The following RNF149 variants were observed in gnomAD, a reference collection of about 807,000 sequenced individuals.
RNF149 encodes the protein E3 ubiquitin-protein ligase RNF149.
RNF149 carries 21 observed loss-of-function variants against 39.0 expected under a neutral mutation model. The ratio of observed to expected loss-of-function variants is 0.54; its 90% CI spans 0.38 to 0.77. The LOEUF (loss-of-function observed/expected upper bound fraction) is 0.77, where lower values mean the gene tolerates loss of function less well. Ranked by LOEUF, RNF149 falls within the 30% of genes least tolerant of loss-of-function variation. The pLI, the probability that RNF149 is intolerant of heterozygous loss-of-function variation, is 0.00. For synonymous variants in RNF149, 209 were observed against 213.6 expected, an observed-to-expected ratio of 0.98 and a Z score of 0.19; for missense variants, 493 against 534.9, an observed-to-expected ratio of 0.92 and a Z score of 0.77.
intron 1 of RNF149, among the ~76,000 whole-genome samples, chr2:101,303,380 G>A (rs931381552): frequency 6.6e-6 from 1 of 151,658 alleles, no homozygotes; most frequent in Admixed American, 6.6e-5. Context: ...ACCCGCCTCA[G>A]CCTACCAAAG....
At chr2:101,300,593 G>A (rs1232985320) in intron 1 of RNF149, among the ~76,000 whole-genome samples, 1 of 152,110 alleles carries the variant, frequency 6.6e-6, no homozygotes, top group Non-Finnish European at 1.5e-5. Flanking sequence ...CAGGTGGATC[G>A]CTTGACCCTA....
chr2:101,280,228 T>C (rs911772712), intron 6 of RNF149, among the ~76,000 whole-genome samples: 14 of 151,644 alleles, frequency 9.2e-5, no homozygotes, highest in Admixed American at 2.0e-4. Flanking sequence ...TAATGTAGAA[T>C]AGTCCAGAAA....
At position 101,304,653 on chromosome 2, in the gene RNF149, G is replaced by A. The variant is rs146276564; in HGVS notation, c.460+3476C>T. Among the ~76,000 whole-genome samples, 426 of 152,072 alleles carry A rather than the reference G, an allele frequency of 2.8e-3. 5 individuals carry two copies. Among genetic ancestry groups the A allele is most frequent in the African/African-American group, 8.7e-3 (362 of 41,468 alleles). On this transcript the variant is annotated intron_variant, in intron 1 of 6. Coordinates refer to ENST00000295317, the MANE Select transcript of RNF149 (RefSeq NM_173647.4). The stretch of plus-strand genomic sequence containing the variant: ...CTAAAGTAAACAGAATTGACTTTGG[G>A]CAACAGCAACAGTCCTTACAGTTGT...
At chr2:101,308,064 C>A in intron 1 of RNF149, 65 bp downstream of exon 1, 1 of 1,566,010 alleles carries the variant, frequency 6.4e-7, no homozygotes, top group East Asian at 2.4e-5. Flanking sequence ...CAGGGCCAAC[C>A]CTGAAGACCC....
At chr2:101,280,502 G>C (rs1350826056) in intron 6 of RNF149, among the ~76,000 whole-genome samples, 3 of 152,004 alleles carry the variant, frequency 2.0e-5, no homozygotes, top group Non-Finnish European at 4.4e-5. Flanking sequence ...GCAAAGTACA[G>C]GTCAATATCT....
intron 1 of RNF149, among the ~76,000 whole-genome samples, chr2:101,296,925 T>C (rs1192346863): frequency 6.6e-6 from 1 of 151,962 alleles, no homozygotes; most frequent in African/African-American, 2.4e-5. Flanking sequence ...GAGTAAATGG[T>C]TGGCCGGGCA....
At position 101,295,180 on chromosome 2, in the gene RNF149, T is replaced by G. The variant is rs1683174353; in HGVS notation, c.462A>C (p.Gly154=). ...TCATAATGACCACTATATTTCCTGT[T>G]CCTGTAGGAAAGAACAAAGAAATCA... The part of the protein sequence containing the change: ...GNITLPMSHA[G]TGNIVVIMIS... Residue 154 remains glycine (G), a splice_region_variant and synonymous_variant, in exon 2 of 7, where the codon GGA becomes GGC. Transcript: ENST00000295317. 1.2e-6 allele frequency: 2 copies of G among 1,611,940 alleles called. No homozygotes were observed. The highest frequency in any genetic ancestry group is 4.5e-5 in the East Asian group (2 of 44,874).
intron 6 of RNF149, 46 bp downstream of exon 6, chr2:101,281,813 C>T (rs1304617566): frequency 6.2e-7 from 1 of 1,606,438 alleles, no homozygotes; most frequent in Admixed American, 1.7e-5. Context: ...TGTGAGCCAC[C>T]ACTCCTGGCC....
At chr2:101,301,103 C>G (rs1261968644) in intron 1 of RNF149, among the ~76,000 whole-genome samples, 2 of 151,828 alleles carry the variant, frequency 1.3e-5, no homozygotes, top group Non-Finnish European at 2.9e-5. Flanking sequence ...TAGAGGTTAT[C>G]TCTTCCTTCC....
rs774602168 is a variant in RNF149, at chr2:101,282,031, C to T, written c.987G>A (p.Met329Ile). ...YWGEPGDVQE[M>I]PAPESPPGRD... Reference sequence around the variant, plus strand: ...TTCCAGGAGGAGATTCTGGAGCAGGCATCTCCTGTACATCCCCAGGCTCTC... The same window carrying T: ...TTCCAGGAGGAGATTCTGGAGCAGGTATCTCCTGTACATCCCCAGGCTCTC... Residue 329 changes from methionine (M) to isoleucine (I), a missense_variant, in exon 6 of 7, where the codon ATG becomes ATA. Transcript: ENST00000295317. 1 of 1,613,638 alleles carries T rather than the reference C, an allele frequency of 6.2e-7. No homozygotes were observed.
At chr2:101,299,127 G>A (rs1008046044) in intron 1 of RNF149, among the ~76,000 whole-genome samples, 1 of 152,244 alleles carries the variant, frequency 6.6e-6, no homozygotes, top group African/African-American at 2.4e-5. Context: ...CTGCACTCCA[G>A]TCTGGGCGAC....
rs1683598224 is a variant in RNF149, at chr2:101,304,904, A to G, written c.460+3225T>C. On this transcript the variant is annotated intron_variant, in intron 1 of 6. Transcript: ENST00000295317. ...CACCCAGGCTAGAGTACAGTGGCAC[A>G]ATCTCGGCTTACTGCAACCTCTGCC... 1.3e-5 allele frequency among the ~76,000 whole-genome samples: 2 copies of G among 149,814 alleles called. 1 individual carries two copies. Among genetic ancestry groups the G allele is most frequent in the Admixed American group, 1.3e-4 (2 of 14,970 alleles).
At chr2:101,298,903 A>C (rs1683343839) in intron 1 of RNF149, among the ~76,000 whole-genome samples, 1 of 152,346 alleles carries the variant, frequency 6.6e-6, no homozygotes, top group South Asian at 2.1e-4. Flanking sequence ...TAATCCCAGC[A>C]CTTTGTGAGG....
At chr2:101,283,221 A>G (rs1164781286) in intron 5 of RNF149, among the ~76,000 whole-genome samples, 1 of 152,116 alleles carries the variant, frequency 6.6e-6, no homozygotes, top group Non-Finnish European at 1.5e-5. Flanking sequence ...CAGCACTTCA[A>G]ACAGGCCTCT....
intron 3 of RNF149, among the ~76,000 whole-genome samples, chr2:101,293,763 T>C (rs929681169): frequency 6.6e-6 from 1 of 152,214 alleles, no homozygotes; most frequent in African/African-American, 2.4e-5. Flanking sequence ...GTAAGAGCTG[T>C]CCAGGAGGGC....
chr2:101,292,427 A>T (rs1467702793), intron 3 of RNF149, among the ~76,000 whole-genome samples: 1 of 152,194 alleles, frequency 6.6e-6, no homozygotes, highest in African/African-American at 2.4e-5. Flanking sequence ...CAAAGATTTG[A>T]TTCAGTAAAT....
intron 5 of RNF149, among the ~76,000 whole-genome samples, chr2:101,285,118 G>C (rs986502846): frequency 2.6e-5 from 4 of 151,916 alleles, no homozygotes; most frequent in African/African-American, 9.7e-5. Context: ...GGCTGGTCTT[G>C]AACTCCTGAC....
At chr2:101,272,444 T>A (rs560369870), downstream of RNF149, among the ~76,000 whole-genome samples, 4 of 152,290 alleles carry the variant, frequency 2.6e-5, no homozygotes, top group Non-Finnish European at 4.4e-5. Flanking sequence ...AATCCAAATG[T>A]TAGTATTTTT....
rs1683791852 is a variant in RNF149 at position 101,308,695 on chromosome 2, CG to C, written c.-108del. On this transcript the variant is annotated 5_prime_UTR_variant, in exon 1 of 7. Coordinates refer to ENST00000295317, the MANE Select transcript of RNF149 (RefSeq NM_173647.4). Reference sequence around the variant, plus strand: ...CCACCGCCGCCCTGGAAGACTGAGGCGGGGTCGGGGCCGCTGCGCACGCGCA... The same window carrying C: ...CCACCGCCGCCCTGGAAGACTGAGGCGGGTCGGGGCCGCTGCGCACGCGCA... The C allele has an allele frequency of 2.1e-5, 23 of 1,076,404 alleles. No homozygotes were observed. The highest frequency in any genetic ancestry group is 2.8e-5 in the Non-Finnish European group (22 of 790,994). 66.7% of individuals were successfully genotyped at this position (1,076,404 alleles called of 1,614,324 possible).
Sources: allele counts gnomAD v4.1 joint callset (sites outside exome capture counted in the v4.1 genomes callset), GRCh38; gene constraint gnomAD v4.1.1; transcripts MANE v1.5; gene names NCBI Gene and HGNC (gene_info 2026-07-23, HGNC 2026-07-21).